Variants in NINL observed in about 807,000 individuals in gnomAD.
NINL encodes the protein ninein-like protein.
NINL carries 153 observed loss-of-function variants against 160.3 expected under a neutral mutation model. The ratio of observed to expected loss-of-function variants is 0.95; its 90% CI spans 0.84 to 1.09. The LOEUF (loss-of-function observed/expected upper bound fraction) is 1.09, where lower values mean the gene tolerates loss of function less well. Among genes scored for constraint, NINL ranks in the 50% least tolerant of loss-of-function variants. The pLI is 0.00. For missense variants in NINL, 1,829 were observed against 1,764.0 expected, an observed-to-expected ratio of 1.04 and a Z score of -0.66; for synonymous variants, 800 against 734.8, an observed-to-expected ratio of 1.09 and a Z score of -1.43.
chr20:25,488,475 C>T (rs374675080), intron 13 of NINL, among the ~76,000 whole-genome samples: 4 of 152,186 alleles, frequency 2.6e-5, no homozygotes, highest in African/African-American at 7.2e-5. Flanking sequence ...CCACCCGCCT[C>T]GGCCTCCCAA....
intron 4 of NINL, among the ~76,000 whole-genome samples, chr20:25,512,246 A>G (rs2064084030): frequency 6.6e-6 from 1 of 152,172 alleles, no homozygotes; most frequent in African/African-American, 2.4e-5. Flanking sequence ...AGTGTTCAAG[A>G]TAAGTAGGGC....
chr20:25,499,650 C>T (rs932985095), intron 8 of NINL, among the ~76,000 whole-genome samples: 1 of 152,082 alleles, frequency 6.6e-6, no homozygotes, highest in African/African-American at 2.4e-5. Flanking sequence ...TCTTGGGGGA[C>T]TCGGTAACAG....
chr20:25,531,132 G>A (rs954717942), intron 1 of NINL, among the ~76,000 whole-genome samples: 4 of 152,174 alleles, frequency 2.6e-5, no homozygotes, highest in African/African-American at 7.2e-5. Flanking sequence ...AGAATTCAGC[G>A]ATATTTCTCC....
chr20:25,557,907 T>TC (rs2064887516), intron 1 of NINL, among the ~76,000 whole-genome samples: 1 of 150,322 alleles, frequency 6.7e-6, no homozygotes. Flanking sequence ...GGCGGGCAGA[T>TC]CACTTGAGGC....
At chr20:25,496,123 G>A (rs536367558) in intron 10 of NINL, among the ~76,000 whole-genome samples, 65 of 152,322 alleles carry the variant, frequency 4.3e-4, no homozygotes, top group African/African-American at 1.5e-3. Flanking sequence ...TCCAGCCTGG[G>A]ATACAGAGGG....
intron 1 of NINL, among the ~76,000 whole-genome samples, chr20:25,569,256 A>G (rs2065028702): frequency 6.6e-6 from 1 of 151,668 alleles, no homozygotes; most frequent in African/African-American, 2.4e-5. Flanking sequence ...TAAATTAGAA[A>G]TAAATTATAT....
chr20:25,551,333 A>T (rs1013377671), intron 1 of NINL, among the ~76,000 whole-genome samples: 1 of 152,156 alleles, frequency 6.6e-6, no homozygotes, highest in African/African-American at 2.4e-5. Context: ...TTTCCCCCAC[A>T]CATTCCAGCC....
intron 1 of NINL, among the ~76,000 whole-genome samples, chr20:25,555,504 T>A (rs1190590174): frequency 6.6e-6 from 1 of 152,198 alleles, no homozygotes; most frequent in African/African-American, 2.4e-5. Context: ...TGTATACAAA[T>A]CATGAGCATA....
At chr20:25,454,763 C>T (rs2090625095) in intron 23 of NINL, among the ~76,000 whole-genome samples, 1 of 152,224 alleles carries the variant, frequency 6.6e-6, no homozygotes, top group Non-Finnish European at 1.5e-5. Flanking sequence ...GGGCACAGCA[C>T]TGCTGCACGT....
intron 5 of NINL, among the ~76,000 whole-genome samples, chr20:25,508,078 A>G (rs2063996330): frequency 6.6e-6 from 1 of 152,186 alleles, no homozygotes; most frequent in South Asian, 2.1e-4. Flanking sequence ...AAGTTCAAGG[A>G]TGTAAGACAC....
chr20:25,475,915 C>G, intron 17 of NINL, 128 bp downstream of exon 17: 1 of 940,744 alleles, frequency 1.1e-6, no homozygotes, highest in Non-Finnish European at 1.6e-6. Context: ...GGCTACACAG[C>G]CCCCATCAGG....
rs933701543 is a variant in NINL at position 25,481,737 on chromosome 20, T to C, written c.1810+231A>G. 6 of 601,148 alleles carry C rather than the reference T, an allele frequency of 1.0e-5. No individual in the cohort carries two copies. In the African/African-American group the frequency reaches 1.1e-4, roughly 11 times the overall value. 37.2% of individuals were successfully genotyped at this position (601,148 alleles called of 1,614,324 possible). ...GAACAGCCTGGGCCAGCCCTGGGGC[T>C]GCCCACCTTCAGCGTCCCTTCCTCC... On this transcript the variant is annotated intron_variant, in intron 14 of 23. Coordinates refer to ENST00000278886, the MANE Select transcript of NINL (RefSeq NM_025176.6).
intron 16 of NINL, among the ~76,000 whole-genome samples, chr20:25,477,617 A>G (rs978396684): frequency 6.6e-6 from 1 of 152,182 alleles, no homozygotes; most frequent in Non-Finnish European, 1.5e-5. Context: ...CAGAAGGGGT[A>G]TGTGGTCCAT....
Position 25,476,142 on chromosome 20 carries a change from G to A in NINL, c.3149C>T (p.Ala1050Val), listed in dbSNP as rs140075902. 1.0e-4 allele frequency: 167 copies of A among 1,614,168 alleles called. 3 individuals are homozygous for A. In the South Asian group the frequency reaches 1.6e-3, roughly 16 times the overall value. Residue 1050 changes from alanine (A) to valine (V), a missense_variant, in exon 17 of 24, where the codon GCG (alanine) becomes GTG (valine). By Grantham distance (64) the Ala-to-Val change is moderately conservative. Coordinates refer to ENST00000278886, the MANE Select transcript of NINL (RefSeq NM_025176.6). ...CATGTCATCCTTCTCTCTCTCCAGC[G>A]CTATTTTGGTCTCCCCCTCTTCTGG... is the stretch of plus-strand genomic sequence containing the variant. ...AAPEEGETKI[A>V]LEREKDDMET...
intron 1 of NINL, among the ~76,000 whole-genome samples, chr20:25,561,902 G>A (rs2064944375): frequency 6.6e-6 from 1 of 151,548 alleles, no homozygotes; most frequent in Admixed American, 6.6e-5. Context: ...GAAGGGAGGT[G>A]GGGGTCAGCC....
At position 25,491,359 on chromosome 20, in the gene NINL, C is replaced by T; in HGVS notation, c.1477G>A (p.Ala493Thr). The change falls in exon 11 of 24, where the codon GCC (alanine) becomes ACC (threonine). Residue 493 changes from alanine (A) to threonine (T), a missense_variant. Ala to Thr is a moderately conservative substitution (Grantham distance 58). Coordinates refer to ENST00000278886, the MANE Select transcript of NINL (RefSeq NM_025176.6). ...CCTGGGGATGCCCCTACCTTCAGGGCCAGGGTCAGCTTCTCGCGGAGGCCA... is the reference window on the plus strand; with the variant it reads ...CCTGGGGATGCCCCTACCTTCAGGGTCAGGGTCAGCTTCTCGCGGAGGCCA... ...EAGLREKLTL[A>T]LKENSRLQKE... 6.2e-7 allele frequency: 1 copy of T among 1,607,802 alleles called. No individual in the cohort carries two copies. The highest frequency in any genetic ancestry group is 8.5e-7 in the Non-Finnish European group (1 of 1,178,958).
chr20:25,522,026 C>T (rs567749108), intron 2 of NINL, among the ~76,000 whole-genome samples: 2 of 152,236 alleles, frequency 1.3e-5, no homozygotes, highest in East Asian at 3.9e-4. Context: ...CCACCTTGGC[C>T]TCCTGAGTAG....
At chr20:25,503,885 G>A in intron 7 of NINL, 67 bp downstream of exon 7, 1 of 1,583,114 alleles carries the variant, frequency 6.3e-7, no homozygotes, top group South Asian at 1.1e-5. Context: ...GAGGGAGTCA[G>A]CAGTTTTAGT....
chr20:25,545,938 G>A (rs1001339763), intron 1 of NINL, among the ~76,000 whole-genome samples: 1 of 151,858 alleles, frequency 6.6e-6, no homozygotes, highest in Admixed American at 6.6e-5. Flanking sequence ...TAAGTATAAT[G>A]AGAACCCTGG....
Sources: allele counts gnomAD v4.1 joint callset (sites outside exome capture counted in the v4.1 genomes callset), GRCh38; gene constraint gnomAD v4.1.1; transcripts MANE v1.5; gene names NCBI Gene and HGNC (gene_info 2026-07-23, HGNC 2026-07-21).